SDK1: variants seen among roughly 807,000 people sequenced by gnomAD.
SDK1 encodes the protein sidekick cell adhesion molecule 1.
In SDK1, 157 loss-of-function variants were observed where a neutral mutation model predicts 245.5. The ratio of observed to expected loss-of-function variants is 0.64; its 90% CI spans 0.56 to 0.73. The LOEUF (loss-of-function observed/expected upper bound fraction) is 0.73. Ranked by LOEUF, SDK1 falls within the 30% of genes least tolerant of loss-of-function variation. The probability of loss-of-function intolerance (pLI) is 0.00; values close to 1 mark genes in which losing one functional copy is unlikely to be tolerated. For missense variants in SDK1, 3,583 were observed against 3,002.3 expected, an observed-to-expected ratio of 1.19 and a Z score of -4.52; for synonymous variants, 1,647 against 1,278.5, an observed-to-expected ratio of 1.29 and a Z score of -6.15.
At chr7:3,790,557 C>T (rs1472958546) in intron 4 of SDK1, among the ~76,000 whole-genome samples, 1 of 152,192 alleles carries the variant, frequency 6.6e-6, no homozygotes, top group East Asian at 1.9e-4. Flanking sequence ...CCTGTAATCC[C>T]AGCACTTTGG....
chr7:3,514,141 T>A (rs566235793), intron 1 of SDK1, among the ~76,000 whole-genome samples: 47 of 152,300 alleles, frequency 3.1e-4, no homozygotes, highest in African/African-American at 1.1e-3. Flanking sequence ...TATCAGTGTT[T>A]CAGAGCAAAT....
chr7:3,498,525 A>T (rs926589871), intron 1 of SDK1, among the ~76,000 whole-genome samples: 1 of 152,122 alleles, frequency 6.6e-6, no homozygotes, highest in Non-Finnish European at 1.5e-5. Context: ...GTGGGTAATA[A>T]AGATTTATTT....
intron 4 of SDK1, among the ~76,000 whole-genome samples, chr7:3,809,766 A>T (rs549798741): frequency 4.1e-4 from 62 of 152,330 alleles, no homozygotes; most frequent in African/African-American, 1.4e-3. Context: ...ACGTGGAGCG[A>T]GGGTCAAGTC....
At chr7:4,022,244 G>A (rs1265758037) in intron 17 of SDK1, among the ~76,000 whole-genome samples, 3 of 152,244 alleles carry the variant, frequency 2.0e-5, no homozygotes, top group Non-Finnish European at 4.4e-5. Context: ...CAGCATGTCA[G>A]AGAGCATGCA....
chr7:3,609,540 A>G (rs960534520), intron 1 of SDK1, among the ~76,000 whole-genome samples: 4 of 152,104 alleles, frequency 2.6e-5, no homozygotes, highest in African/African-American at 9.7e-5. Flanking sequence ...AGCTGGGATT[A>G]CAGGCACGTG....
intron 17 of SDK1, among the ~76,000 whole-genome samples, chr7:4,036,950 T>A (rs767713649): frequency 1.3e-5 from 2 of 152,204 alleles, no homozygotes; most frequent in Non-Finnish European, 2.9e-5. Flanking sequence ...CAGCTGTCTA[T>A]TGCATTCACT....
intron 22 of SDK1, among the ~76,000 whole-genome samples, chr7:4,109,619 C>T (rs1783199821): frequency 6.6e-6 from 1 of 152,202 alleles, no homozygotes; most frequent in Non-Finnish European, 1.5e-5. Flanking sequence ...CCAGAGTTTG[C>T]TTGTGATGGG....
intron 5 of SDK1, among the ~76,000 whole-genome samples, chr7:3,822,191 AAAG>A (rs1779663213): frequency 6.6e-6 from 1 of 152,230 alleles, no homozygotes; most frequent in African/African-American, 2.4e-5. Context: ...GTTAATTGCT[AAAG>A]AAGGGAAAAT....
At chr7:4,264,617 G>A (rs1788330923) in intron 44 of SDK1, among the ~76,000 whole-genome samples, 1 of 150,488 alleles carries the variant, frequency 6.6e-6, no homozygotes, top group Non-Finnish European at 1.5e-5. Flanking sequence ...AGTGAGGGAA[G>A]CCGTGTGGAC....
chr7:3,966,975 C>G (rs1782129340), intron 9 of SDK1, among the ~76,000 whole-genome samples: 1 of 152,200 alleles, frequency 6.6e-6, no homozygotes, highest in Non-Finnish European at 1.5e-5. Context: ...CATGGGCTAC[C>G]TTTCATTTAA....
chr7:3,630,656 T>G (rs1583247719), intron 2 of SDK1, among the ~76,000 whole-genome samples: 1 of 151,916 alleles, frequency 6.6e-6, no homozygotes. Flanking sequence ...AAATTTAAGA[T>G]AGTACAAAAA....
intron 4 of SDK1, among the ~76,000 whole-genome samples, chr7:3,665,724 G>A (rs150006236): frequency 9.2e-5 from 14 of 152,308 alleles, no homozygotes; most frequent in African/African-American, 2.6e-4. Flanking sequence ...TTTCTCTCAC[G>A]TGGATCCTGC....
At chr7:3,881,842 A>G (rs1330332212) in intron 5 of SDK1, among the ~76,000 whole-genome samples, 1 of 152,202 alleles carries the variant, frequency 6.6e-6, no homozygotes, top group Non-Finnish European at 1.5e-5. Flanking sequence ...CAAGTGGTTC[A>G]TGGTACAGCT....
Position 4,042,143 on chromosome 7 carries a change from G to A in SDK1, c.2603-7205G>A, listed in dbSNP as rs1583917354. ...TGCAAATGTTTGAATGGCTGTAAAC[G>A]GTGGTTTATGGCTACAAAAACTAAC... is the stretch of plus-strand genomic sequence containing the variant. On this transcript the variant is annotated intron_variant, in intron 17 of 44. Transcript: ENST00000404826. 2.2e-5 allele frequency among the ~76,000 whole-genome samples: 3 copies of A among 135,804 alleles called. 1 individual carries two copies. The highest frequency in any genetic ancestry group is 6.8e-5 in the African/African-American group (2 of 29,404). The allele number at this position is 135,804 out of a possible 152,430, so 89.1% of individuals were successfully genotyped here.
chr7:3,346,496 A>G (rs1053151926), intron 1 of SDK1, among the ~76,000 whole-genome samples: 6 of 151,920 alleles, frequency 3.9e-5, no homozygotes, highest in African/African-American at 1.2e-4. Flanking sequence ...GGTAATAACA[A>G]TAGAGTTAAC....
At chr7:3,793,411 G>A (rs1399602294) in intron 4 of SDK1, among the ~76,000 whole-genome samples, 1 of 152,042 alleles carries the variant, frequency 6.6e-6, no homozygotes, top group Admixed American at 6.6e-5. Flanking sequence ...AGAAAATCCT[G>A]CCCAGCGATT....
intron 1 of SDK1, among the ~76,000 whole-genome samples, chr7:3,522,746 C>G (rs543230155): frequency 6.6e-6 from 1 of 152,256 alleles, no homozygotes; most frequent in East Asian, 1.9e-4. Flanking sequence ...AAATCACTGA[C>G]CAATTCCAGC....
intron 1 of SDK1, among the ~76,000 whole-genome samples, chr7:3,322,013 T>TC: frequency 6.6e-6 from 1 of 151,468 alleles, no homozygotes; most frequent in East Asian, 1.9e-4. Flanking sequence ...TCTAAAGTTT[T>TC]TTTTTTTTTT....
At chr7:3,338,181 T>C (rs1780252728) in intron 1 of SDK1, 2 of 254,626 alleles carry the variant, frequency 7.9e-6, no homozygotes, top group Non-Finnish European at 1.5e-5. Flanking sequence ...CTAGGCCTTT[T>C]AGAAAACATG....
Sources: allele counts gnomAD v4.1 joint callset (sites outside exome capture counted in the v4.1 genomes callset), GRCh38; gene constraint gnomAD v4.1.1; transcripts MANE v1.5; gene names NCBI Gene and HGNC (gene_info 2026-07-23, HGNC 2026-07-21).